Variants in TEKT1 observed in about 807,000 individuals in gnomAD.
TEKT1 encodes the protein tektin-1.
TEKT1 carries 32 observed loss-of-function variants against 34.8 expected under a neutral mutation model. The ratio of observed to expected loss-of-function variants is 0.92; its 90% CI spans 0.69 to 1.23. TEKT1 has a LOEUF of 1.23. Ranked by LOEUF, TEKT1 falls within the 50% of genes most tolerant of loss-of-function variation. The probability of loss-of-function intolerance (pLI) is 0.00; values close to 1 mark genes in which losing one functional copy is unlikely to be tolerated. For synonymous variants in TEKT1, 207 were observed against 199.8 expected, an observed-to-expected ratio of 1.04 and a Z score of -0.30; for missense variants, 492 against 518.5, an observed-to-expected ratio of 0.95 and a Z score of 0.50.
intron 7 of TEKT1, 33 bp from the exon 8 acceptor site, chr17:6,800,267 TTCTC>T: frequency 6.3e-7 from 1 of 1,596,982 alleles, no homozygotes; most frequent in Non-Finnish European, 8.5e-7. Context: ...AGAGAATAAT[TTCTC>T]TCTATGCATT....
Position 6,800,838 on chromosome 17 carries a change from T to C in TEKT1, c.958A>G (p.Arg320Gly). The change falls in exon 7 of 8, where the codon AGG becomes GGG. Residue 320 changes from arginine (R) to glycine (G), a missense_variant. Arg to Gly is a moderately radical substitution (Grantham distance 125, BLOSUM62 -2). Coordinates refer to ENST00000338694, the MANE Select transcript of TEKT1 (RefSeq NM_053285.2). ...AGCTCCACGTTCGGCCGGTGTGTCC[T>C]GGTCTCCAAGCGCGTATGAGCCACC... is the stretch of plus-strand genomic sequence containing the variant. ...AKVAHTRLET[R>G]THRPNVELCR... 1 of 1,614,200 alleles carries C rather than the reference T, an allele frequency of 6.2e-7. No individual in the cohort carries two copies. The highest frequency in any genetic ancestry group is 1.7e-5 in the Admixed American group (1 of 60,020).
At chr17:6,830,910 G>A (rs1329242240) in intron 1 of TEKT1, among the ~76,000 whole-genome samples, 2 of 152,032 alleles carry the variant, frequency 1.3e-5, no homozygotes, top group South Asian at 2.1e-4. Context: ...TGGTGAACAC[G>A]TGTATGCATT....
At chr17:6,823,815 C>CTTTTTTTTTT (rs33937600) in intron 2 of TEKT1, among the ~76,000 whole-genome samples, 1 of 77,640 alleles carries the variant, frequency 1.3e-5, no homozygotes, top group Non-Finnish European at 2.2e-5. Flanking sequence ...AAACCTCATC[C>CTTTTTTTTTT]TTTTTTTTTT....
In TEKT1 at chr17:6,816,507, T is replaced by G. The variant is rs996896044; in HGVS notation, c.357-545A>C. On this transcript the variant is annotated intron_variant, in intron 3 of 7. Coordinates refer to ENST00000338694, the MANE Select transcript of TEKT1 (RefSeq NM_053285.2). ...TTTGGTTTTCTGTCCTTGTGATAGTTTGCGCAGAATGATGGTCTCCAGCTG... is the reference window on the plus strand; with the variant it reads ...TTTGGTTTTCTGTCCTTGTGATAGTGTGCGCAGAATGATGGTCTCCAGCTG... Among the ~76,000 whole-genome samples, 12 of 152,290 alleles carry G rather than the reference T, an allele frequency of 7.9e-5. No homozygotes were observed. In the East Asian group the frequency reaches 2.3e-3, roughly 29 times the overall value.
At chr17:6,827,571 A>G (rs149345117) in intron 2 of TEKT1, among the ~76,000 whole-genome samples, 67 of 152,182 alleles carry the variant, frequency 4.4e-4, no homozygotes, top group Non-Finnish European at 8.4e-4. Context: ...CCTCGTGCCT[A>G]TTCTTGACCT....
rs1567680624 is a variant in TEKT1 at position 6,819,364 on chromosome 17, GCA to G, written c.191-8_191-7del. On this transcript the variant is annotated splice_region_variant and splice_polypyrimidine_tract_variant and intron_variant, in intron 2 of 7. Coordinates refer to ENST00000338694, the MANE Select transcript of TEKT1 (RefSeq NM_053285.2). ...GACTTCCTCGAGTCTCTGTTCTGAAGCACACGGGGAAGTTACACCAGGGCTAA... is the reference window on the plus strand; with the variant it reads ...GACTTCCTCGAGTCTCTGTTCTGAAGCACGGGGAAGTTACACCAGGGCTAA... 1 of 1,610,356 alleles carries G rather than the reference GCA, an allele frequency of 6.2e-7. No individual in the cohort carries two copies. Among genetic ancestry groups the G allele is most frequent in the South Asian group, 1.1e-5 (1 of 90,132 alleles).
Position 6,800,122 on chromosome 17 carries a change from C to A in TEKT1, c.1162G>T (p.Val388Leu), listed in dbSNP as rs1976747811. ...VKENTIYIDE[V>L]LCMQMRKSIP... Reference sequence around the variant, plus strand: ...GATTTCCTCATCTGCATACACAGCACTTCGTCGATATAAATGGTGTTCTCT... The same window carrying A: ...GATTTCCTCATCTGCATACACAGCAATTCGTCGATATAAATGGTGTTCTCT... The change falls in exon 8 of 8, where the codon GTG becomes TTG. Residue 388 changes from valine (V) to leucine (L), a missense_variant. By Grantham distance (32) the Val-to-Leu change is conservative. Transcript: ENST00000338694. 6.2e-7 allele frequency: 1 copy of A among 1,614,058 alleles called. No individual in the cohort carries two copies. Among genetic ancestry groups the A allele is most frequent in the South Asian group, 1.1e-5 (1 of 91,094 alleles).
chr17:6,816,091 C>T (rs1277659822), intron 3 of TEKT1, 129 bp from the exon 4 acceptor site: 4 of 1,259,400 alleles, frequency 3.2e-6, no homozygotes, highest in Non-Finnish European at 4.3e-6. Flanking sequence ...TCCGATGACA[C>T]AGTGGGTGAC....
At chr17:6,827,795 A>G (rs770271280) in intron 2 of TEKT1, among the ~76,000 whole-genome samples, 3 of 152,108 alleles carry the variant, frequency 2.0e-5, no homozygotes, top group Non-Finnish European at 2.9e-5. Flanking sequence ...AGTGCAAAAC[A>G]CTTGCACATC....
intron 7 of TEKT1, 76 bp downstream of exon 7, chr17:6,800,671 C>A: frequency 6.7e-7 from 1 of 1,490,712 alleles, no homozygotes; most frequent in South Asian, 1.3e-5. Flanking sequence ...CGCTGCTGGT[C>A]ACTATCTAGC....
At chr17:6,812,779 G>A (rs1976945829) in intron 6 of TEKT1, 52 bp downstream of exon 6, 1 of 1,566,198 alleles carries the variant, frequency 6.4e-7, no homozygotes, top group African/African-American at 1.3e-5. Context: ...TGTTTTCCAT[G>A]GTGAAAGCTC....
At position 6,815,957 on chromosome 17, in the gene TEKT1, T is replaced by C; in HGVS notation, c.362A>G (p.Lys121Arg). The C allele has an allele frequency of 6.2e-7, 1 of 1,613,954 alleles. No homozygotes were observed. Reference protein sequence around the residue: ...ITETCLAYREKRIGIDLVHDT... With the variant: ...ITETCLAYRERRIGIDLVHDT... ...GTGCACCAGGTCAATGCCAATGCGC[T>C]TCTCCCTGGCAGGGGGAAAGGCAGC... is the stretch of plus-strand genomic sequence containing the variant. Residue 121 changes from lysine (K) to arginine (R), a missense_variant, in exon 4 of 8, where the codon AAG becomes AGG. Transcript: ENST00000338694.
chr17:6,813,844 TC>T (rs1396004713), intron 5 of TEKT1, among the ~76,000 whole-genome samples: 2 of 152,088 alleles, frequency 1.3e-5, no homozygotes, highest in Non-Finnish European at 2.9e-5. Flanking sequence ...TGTAATCCCC[TC>T]GCCTTGAGTA....
intron 4 of TEKT1, among the ~76,000 whole-genome samples, chr17:6,815,507 G>C (rs1976993242): frequency 6.6e-6 from 1 of 152,136 alleles, no homozygotes; most frequent in Admixed American, 6.6e-5. Flanking sequence ...TGGACTTGGA[G>C]ATTCTCCCTT....
intron 6 of TEKT1, among the ~76,000 whole-genome samples, chr17:6,807,343 A>G (rs1457576342): frequency 2.6e-5 from 4 of 152,006 alleles, no homozygotes; most frequent in Non-Finnish European, 5.9e-5. Context: ...ACTTCTCTGC[A>G]TTGGTTATTC....
intron 2 of TEKT1, 95 bp from the exon 3 acceptor site, chr17:6,819,453 G>T: frequency 7.7e-7 from 1 of 1,304,264 alleles, no homozygotes. Flanking sequence ...AACCACCTGT[G>T]ACATGCTCTT....
At chr17:6,829,054 G>C (rs1904489438) in intron 2 of TEKT1, among the ~76,000 whole-genome samples, 1 of 152,134 alleles carries the variant, frequency 6.6e-6, no homozygotes, top group Non-Finnish European at 1.5e-5. Flanking sequence ...AGGAGGCTGA[G>C]GCAGGAGAAG....
rs1257035067 is a variant in TEKT1 at position 6,799,840 on chromosome 17, G to A, written c.*187C>T. The A allele has an allele frequency of 1.3e-5, 7 of 549,532 alleles. No individual in the cohort carries two copies. The highest frequency in any genetic ancestry group is 3.7e-5 in the Admixed American group (1 of 27,272). The allele number at this position is 549,532 out of a possible 1,614,324, so 34.0% of individuals were successfully genotyped here. A position where few individuals can be genotyped will look rare whatever the true frequency, so the allele number is the denominator to read the frequency against. On this transcript the variant is annotated 3_prime_UTR_variant, in exon 8 of 8. Transcript: ENST00000338694. ...GCTAAAATATGGAGTTGAATTGTTA[G>A]GCAAACACCACACCAGCATAAGAGA...
At position 6,811,224 on chromosome 17, in the gene TEKT1, T is replaced by TATCATCATC. The variant is rs376522151; in HGVS notation, c.852+1598_852+1606dup. 6.6e-6 allele frequency among the ~76,000 whole-genome samples: 1 copy of TATCATCATC among 151,876 alleles called. No homozygotes were observed. The highest frequency in any genetic ancestry group is 1.5e-5 in the Non-Finnish European group (1 of 67,958). On this transcript the variant is annotated intron_variant, in intron 6 of 7. Transcript: ENST00000338694. This position sits in a 1 kb window ranked among gnomAD's most constrained non-coding sequence, Gnocchi z 4.4. ...GGAAGTCTCTGGATTATTCCTTGGC[T>TATCATCATC]ATCATCATCATCATCATCATCATCA...
Sources: gnomAD v4.1 joint callset for allele counts (sites outside exome capture counted in the v4.1 genomes callset) on GRCh38, gnomAD v4.1.1 for gene constraint, Gnocchi (gnomAD v3.1) non-coding constraint, MANE v1.5 for transcripts, NCBI Gene and HGNC (gene_info 2026-07-23, HGNC 2026-07-21) for gene names.